The following NF1 variants were observed in gnomAD, a reference collection of about 807,000 sequenced individuals.
NF1 encodes neurofibromin.
A neutral mutation model predicts 325.7 loss-of-function variants in NF1; 122 were observed. The ratio of observed to expected loss-of-function variants is 0.37; its 90% CI spans 0.32 to 0.44. The LOEUF is 0.44. NF1 is among the 20% of genes least tolerant of loss of function. The pLI, the probability that NF1 is intolerant of heterozygous loss-of-function variation, is 1.00. For missense variants in NF1, 2,140 were observed against 3,415.4 expected (o/e 0.63, Z 9.31); for synonymous variants, 1,091 against 1,186.0 (o/e 0.92, Z 1.65).
At chr17:31,101,427 T>A (rs1294855851) in intron 1 of NF1, among the ~76,000 whole-genome samples, 1 of 152,198 alleles carries the variant, frequency 6.6e-6, no homozygotes, top group Non-Finnish European at 1.5e-5. Context: ...AGAAAATCTT[T>A]TAGATTCTTT....
At chr17:31,130,097 T>A (rs1008477021) in intron 1 of NF1, among the ~76,000 whole-genome samples, 3 of 151,018 alleles carry the variant, frequency 2.0e-5, no homozygotes, top group Non-Finnish European at 4.4e-5. Context: ...TTTTTTTTTT[T>A]ATCCTATATG....
At chr17:31,335,140 A>C (rs2069613047) in intron 40 of NF1, 109 bp downstream of exon 40, 3 of 908,400 alleles carry the variant, frequency 3.3e-6, no homozygotes, top group Non-Finnish European at 5.1e-6. Flanking sequence ...AGTTGTAAAA[A>C]ACACAGTTTC....
At chr17:31,204,087 G>C (rs2066578264) in intron 11 of NF1, among the ~76,000 whole-genome samples, 1 of 152,026 alleles carries the variant, frequency 6.6e-6, no homozygotes, top group South Asian at 2.1e-4. Flanking sequence ...TATGTTATAT[G>C]CATAATCTTC....
At chr17:31,101,394 C>T (rs1912328792) in intron 1 of NF1, among the ~76,000 whole-genome samples, 1 of 152,128 alleles carries the variant, frequency 6.6e-6, no homozygotes, top group Admixed American at 6.5e-5. Context: ...TTGATTTCCT[C>T]ATCTGTTGAA....
At chr17:31,272,177 A>G (rs2067912516) in intron 36 of NF1, 1 of 152,278 alleles carries the variant, frequency 6.6e-6, no homozygotes, top group Non-Finnish European at 1.5e-5. Flanking sequence ...TTTTCCTAGC[A>G]TGCTTGTCAT....
In NF1 at chr17:31,340,710, T is replaced by C. The variant is rs1597848346; in HGVS notation, c.7062+65T>C. The C allele has an allele frequency of 1.3e-5, 20 of 1,523,702 alleles. No homozygotes were observed. In the East Asian group the frequency reaches 4.5e-4, roughly 34 times the overall value. The allele number at this position is 1,523,702 out of a possible 1,614,324, so 94.4% of individuals were successfully genotyped here. A position where few individuals can be genotyped will look rare whatever the true frequency, so the allele number is the denominator to read the frequency against. Reference sequence around the variant, plus strand: ...TTTAGTACTCTTCCATCTTTTCTTGTTGCTATTCTTTTAAAATCACAAGAA... The same window carrying C: ...TTTAGTACTCTTCCATCTTTTCTTGCTGCTATTCTTTTAAAATCACAAGAA... On this transcript the variant is annotated intron_variant, in intron 47 of 57. Coordinates refer to ENST00000358273, the MANE Select transcript of NF1 (RefSeq NM_001042492.3).
At chr17:31,218,033 C>G (rs533574116) in intron 13 of NF1, among the ~76,000 whole-genome samples, 1 of 151,886 alleles carries the variant, frequency 6.6e-6, no homozygotes, top group Admixed American at 6.6e-5. Context: ...TGAAAAGGAC[C>G]GAAGTATGGG....
At chr17:31,229,806 A>G (rs2067081658) in intron 21 of NF1, 29 bp from the exon 22 acceptor site, 2 of 1,611,020 alleles carry the variant, frequency 1.2e-6, no homozygotes, top group African/African-American at 2.7e-5. Context: ...ATTGATGGCA[A>G]ATCATTAATG....
At chr17:31,337,917 C>A (rs2151557698) in intron 44 of NF1, 37 bp downstream of exon 44, 2 of 1,583,688 alleles carry the variant, frequency 1.3e-6, no homozygotes, top group Non-Finnish European at 1.7e-6. Flanking sequence ...TAAAAATATG[C>A]ATATTGTTGA....
chr17:31,266,452 C>CT, intron 36 of NF1, among the ~76,000 whole-genome samples: 1 of 152,246 alleles, frequency 6.6e-6, no homozygotes, highest in East Asian at 1.9e-4. Flanking sequence ...TTTAACAACT[C>CT]TAAGTAACCC....
At chr17:31,111,489 C>G (rs953703403) in intron 1 of NF1, among the ~76,000 whole-genome samples, 1 of 152,046 alleles carries the variant, frequency 6.6e-6, no homozygotes, top group Admixed American at 6.6e-5. Context: ...CAAAGAGAAA[C>G]GCTTAAAAGC....
At chr17:31,201,186 A>G (rs763903378) in intron 10 of NF1, 27 bp downstream of exon 10, 37 of 1,613,652 alleles carry the variant, frequency 2.3e-5, no homozygotes, top group Middle Eastern at 1.7e-4. Flanking sequence ...TTATCTAACT[A>G]TATTTACTGA....
chr17:31,367,157 T>C, intron 57 of NF1: 4 of 932,032 alleles, frequency 4.3e-6, no homozygotes, highest in Non-Finnish European at 6.1e-6. Flanking sequence ...TATCTAATTG[T>C]ATTTCACCCT....
rs1597790510 is a variant in NF1 at position 31,295,256 on chromosome 17, T to C, written c.4835+29917T>C. Reference sequence around the variant, plus strand: ...GAGGCTTGTGTTTGTGACCATTCCATCTTGGAGATGAATAGTTAGAGTTGC... The same window carrying C: ...GAGGCTTGTGTTTGTGACCATTCCACCTTGGAGATGAATAGTTAGAGTTGC... On this transcript the variant is annotated intron_variant, in intron 36 of 57. Coordinates refer to ENST00000358273, the MANE Select transcript of NF1 (RefSeq NM_001042492.3). 6 of 1,614,102 alleles carry C rather than the reference T, an allele frequency of 3.7e-6. No homozygotes were observed. The highest frequency in any genetic ancestry group is 5.1e-6 in the Non-Finnish European group (6 of 1,180,018).
intron 5 of NF1, among the ~76,000 whole-genome samples, chr17:31,176,552 T>C (rs2066026745): frequency 6.6e-6 from 1 of 152,214 alleles, no homozygotes; most frequent in Non-Finnish European, 1.5e-5. Context: ...TTGTCATTGC[T>C]TTTGGTGTTT....
intron 57 of NF1, among the ~76,000 whole-genome samples, chr17:31,369,735 C>T (rs1400534944): frequency 6.6e-6 from 1 of 152,196 alleles, no homozygotes; most frequent in Non-Finnish European, 1.5e-5. Flanking sequence ...TATAGCAATA[C>T]AGGATGTGTT....
rs138186428 is a variant in NF1, at chr17:31,235,769, C to T, written c.3867C>T (p.Phe1289=). 1.3e-3 allele frequency: 2,111 copies of T among 1,614,010 alleles called. 3 individuals are homozygous for T. Among genetic ancestry groups the T allele is most frequent in the Non-Finnish European group, 1.6e-3 (1,863 of 1,180,002 alleles). Residue 1289 remains phenylalanine (F), a synonymous_variant, in exon 28 of 58, where the codon TTC becomes TTT. Coordinates refer to ENST00000358273, the MANE Select transcript of NF1 (RefSeq NM_001042492.3). ...SLASKIMTFC[F]KVYGATYLQK... ...CCAGTAAAATAATGACATTCTGTTT[C>T]AAGGTTTGTATCATTCATTTTGTGT...
chr17:31,262,695 A>G (rs541985714), intron 35 of NF1, among the ~76,000 whole-genome samples: 1 of 152,356 alleles, frequency 6.6e-6, no homozygotes, highest in South Asian at 2.1e-4. Context: ...TTAAAAGAAT[A>G]TATGAATATA....
chr17:31,170,263 G>A (rs1441375402), intron 5 of NF1, among the ~76,000 whole-genome samples: 1 of 152,182 alleles, frequency 6.6e-6, no homozygotes, highest in African/African-American at 2.4e-5. Flanking sequence ...GAGAATGCAA[G>A]GGTGCTATTA....
Sources: allele counts gnomAD v4.1 joint callset (sites outside exome capture counted in the v4.1 genomes callset), GRCh38; gene constraint gnomAD v4.1.1; transcripts MANE v1.5; gene names NCBI Gene and HGNC (gene_info 2026-07-23, HGNC 2026-07-21).